VSIG10: variants seen among roughly 807,000 people sequenced by gnomAD.
The protein encoded by VSIG10 is V-set and immunoglobulin domain containing 10, also known as V-set and immunoglobulin domain-containing protein 10.
In VSIG10, 48 loss-of-function variants were observed where a neutral mutation model predicts 58.7. The ratio of observed to expected loss-of-function variants is 0.82; its 90% CI spans 0.65 to 1.04. The LOEUF (loss-of-function observed/expected upper bound fraction) is 1.04. VSIG10 is among the 50% of genes least tolerant of loss of function. The pLI is 0.00. For missense variants in VSIG10, 628 were observed against 670.0 expected (o/e 0.94, Z 0.69); for synonymous variants, 260 against 267.1 (o/e 0.97, Z 0.26).
chr12:118,068,204 T>TC (rs1373243860), intron 8 of VSIG10, among the ~76,000 whole-genome samples, 173 bp downstream of exon 8: 1 of 147,242 alleles, frequency 6.8e-6, no homozygotes, highest in Non-Finnish European at 1.5e-5. Flanking sequence ...CTTTTTTTTT[T>TC]TTTTTTTTTT....
intron 2 of VSIG10, among the ~76,000 whole-genome samples, chr12:118,091,818 C>T (rs964715998): frequency 2.6e-5 from 4 of 151,984 alleles, no homozygotes; most frequent in East Asian, 3.9e-4. Context: ...AGTGCAATGG[C>T]GCAATCTCAG....
chr12:118,095,537 C>T lies in VSIG10; in HGVS notation c.357G>A (p.Val119=), dbSNP rs756298831. ...GTCCCTGCCAGCCCCACTTACTGGCCACCTGCAGCCACACTTGGAACCACT... is the reference window on the plus strand; with the variant it reads ...GTCCCTGCCAGCCCCACTTACTGGCTACCTGCAGCCACACTTGGAACCACT... ...VTQWFQVWLQ[V]ASGPYQIEVH... is the part of the protein sequence containing the mutation. Residue 119 remains valine, a synonymous_variant, in exon 2 of 9, where the codon GTG becomes GTA. Coordinates refer to ENST00000359236, the MANE Select transcript of VSIG10 (RefSeq NM_019086.6). 1 of 1,613,752 alleles carries T rather than the reference C, an allele frequency of 6.2e-7. No homozygotes were observed. Among genetic ancestry groups the T allele is most frequent in the Non-Finnish European group, 8.5e-7 (1 of 1,179,748 alleles).
chr12:118,070,805 G>C, intron 7 of VSIG10: 2 of 567,268 alleles, frequency 3.5e-6, no homozygotes, highest in Non-Finnish European at 6.3e-6. Context: ...CTTCTGGAAT[G>C]AGCTTGCAGA....
intron 4 of VSIG10, among the ~76,000 whole-genome samples, chr12:118,074,289 G>A (rs1031445570): frequency 8.6e-5 from 13 of 151,988 alleles, no homozygotes; most frequent in African/African-American, 2.4e-5. Context: ...TCACCATGTT[G>A]CCCAGGCTGG....
At chr12:118,073,561 A>T in intron 5 of VSIG10, 138 bp downstream of exon 5, 1 of 994,558 alleles carries the variant, frequency 1.0e-6, no homozygotes, top group Non-Finnish European at 1.4e-6. Flanking sequence ...CACCTTGTCA[A>T]GTCATAAGCA....
At chr12:118,076,912 G>A (rs1020456671) in intron 4 of VSIG10, among the ~76,000 whole-genome samples, 4 of 152,110 alleles carry the variant, frequency 2.6e-5, no homozygotes, top group Non-Finnish European at 4.4e-5. Context: ...TCCTGCCTCT[G>A]ACTCCCAAAG....
chr12:118,069,422 C>CTTTT lies in VSIG10; in HGVS notation c.1347-826_1347-825insAAAA, dbSNP rs1227167306. On this transcript the variant is annotated intron_variant, in intron 7 of 8. Coordinates refer to ENST00000359236, the MANE Select transcript of VSIG10 (RefSeq NM_019086.6). ...CTGTGCATTTCTTCTTCTTCTTCTT[C>CTTTT]TTCTTTTTTTTTTTTTTTTTGAGAC... 3.5e-3 allele frequency among the ~76,000 whole-genome samples: 386 copies of CTTTT among 111,570 alleles called. 6 individuals carry two copies. Among genetic ancestry groups the CTTTT allele is most frequent in the African/African-American group, 0.014 (341 of 24,876 alleles). The allele number at this position is 111,570 out of a possible 152,430, so 73.2% of individuals were successfully genotyped here. A position where few individuals can be genotyped will look rare whatever the true frequency, so the allele number is the denominator to read the frequency against.
At chr12:118,080,501 T>C (rs7957463) in intron 3 of VSIG10, among the ~76,000 whole-genome samples, 68,914 of 151,808 alleles carry the variant, frequency 0.45, 16,030 homozygotes, top group East Asian at 0.59. Flanking sequence ...AAGATATTTG[T>C]GTATGGGAGT....
chr12:118,079,521 T>TCCC lies in VSIG10; in HGVS notation c.747_749dup (p.Gly250dup), dbSNP rs1566164152. 6.2e-7 allele frequency: 1 copy of TCCC among 1,613,972 alleles called. No homozygotes were observed. The highest frequency in any genetic ancestry group is 8.5e-7 in the Non-Finnish European group (1 of 1,179,892). ...TCCACAGGAAGTCAGGGTCAGGGTATCCCCCATCCCAGCGACAGGTAAGCT... is the reference window on the plus strand; with the variant it reads ...TCCACAGGAAGTCAGGGTCAGGGTATCCCCCCCCATCCCAGCGACAGGTAAGCT... On this transcript the variant is annotated inframe_insertion, in exon 4 of 9. Transcript: ENST00000359236.
intron 4 of VSIG10, among the ~76,000 whole-genome samples, chr12:118,075,316 T>C (rs2032683386): frequency 6.6e-6 from 1 of 151,908 alleles, no homozygotes; most frequent in South Asian, 2.1e-4. Flanking sequence ...GCAGGAACAC[T>C]ACATTTCCTT....
chr12:118,096,067 A>C (rs2033447094), intron 1 of VSIG10, among the ~76,000 whole-genome samples: 1 of 151,830 alleles, frequency 6.6e-6, no homozygotes, highest in Non-Finnish European at 1.5e-5. Flanking sequence ...CTGGGATTAC[A>C]GGCACGTGCC....
At chr12:118,094,852 T>C (rs1414684255) in intron 2 of VSIG10, among the ~76,000 whole-genome samples, 4 of 151,504 alleles carry the variant, frequency 2.6e-5, no homozygotes, top group Non-Finnish European at 5.9e-5. Flanking sequence ...TTCTCCTGCC[T>C]CAGCCTCCCA....
chr12:118,083,004 T>C (rs548916940), intron 2 of VSIG10, among the ~76,000 whole-genome samples: 4 of 149,564 alleles, frequency 2.7e-5, no homozygotes, highest in African/African-American at 9.8e-5. Flanking sequence ...TCCCAGCTAC[T>C]AGGGAGGCTG....
chr12:118,068,009 C>G (rs2032314824), intron 8 of VSIG10, among the ~76,000 whole-genome samples: 1 of 145,196 alleles, frequency 6.9e-6, no homozygotes. Context: ...CGCAGCAGTT[C>G]AGAGGTTTGT....
At chr12:118,091,613 A>G (rs989223743) in intron 2 of VSIG10, among the ~76,000 whole-genome samples, 4 of 152,126 alleles carry the variant, frequency 2.6e-5, no homozygotes, top group African/African-American at 4.8e-5. Flanking sequence ...CCTGTGGTCC[A>G]GTGCCTAGAA....
intron 3 of VSIG10, 110 bp downstream of exon 3, chr12:118,082,017 T>TC (rs2032967991): frequency 4.7e-6 from 4 of 848,820 alleles, no homozygotes; most frequent in Non-Finnish European, 6.5e-6. Flanking sequence ...AACTCCATCT[T>TC]AAAAAAAAAA....
intron 7 of VSIG10, 106 bp from the exon 8 acceptor site, chr12:118,068,703 T>C (rs974061916): frequency 5.2e-6 from 7 of 1,347,648 alleles, no homozygotes; most frequent in Non-Finnish European, 6.9e-6. Flanking sequence ...ATTAGTAATA[T>C]GGAAAATTAC....
In VSIG10 at chr12:118,103,688, G is replaced by A; in HGVS notation, c.-17C>T. 3 of 1,478,300 alleles carry A rather than the reference G, an allele frequency of 2.0e-6. No individual in the cohort carries two copies. The highest frequency in any genetic ancestry group is 2.7e-6 in the Non-Finnish European group (3 of 1,119,326). The allele number at this position is 1,478,300 out of a possible 1,614,324, so 91.6% of individuals were successfully genotyped here. A position where few individuals can be genotyped will look rare whatever the true frequency, so the allele number is the denominator to read the frequency against. The stretch of plus-strand genomic sequence containing the variant: ...TGCGGCCATCTCGCCCCAGATCCCG[G>A]CTCAGGAAACGCAGGCTCGGGCTGG... On this transcript the variant is annotated 5_prime_UTR_variant, in exon 1 of 9. Transcript: ENST00000359236.
At chr12:118,103,555 G>T in intron 1 of VSIG10, 38 bp downstream of exon 1, 1 of 1,498,118 alleles carries the variant, frequency 6.7e-7, no homozygotes, top group Non-Finnish European at 8.9e-7. Context: ...CGCTGACTGG[G>T]AAAACTCAAC....
Sources: gnomAD v4.1 joint callset for allele counts (sites outside exome capture counted in the v4.1 genomes callset) on GRCh38, gnomAD v4.1.1 for gene constraint, MANE v1.5 for transcripts, NCBI Gene and HGNC (gene_info 2026-07-23, HGNC 2026-07-21) for gene names.